LHFPL6: variants seen among roughly 807,000 people sequenced by gnomAD.
The protein encoded by LHFPL6 is LHFPL tetraspan subfamily member 6 protein.
In LHFPL6, 9 loss-of-function variants were observed where a neutral mutation model predicts 20.6. The observed-to-expected ratio is 0.44, with a 90% confidence interval of 0.26 to 0.76. LHFPL6 has a LOEUF of 0.76. LHFPL6 is among the 30% of genes least tolerant of loss of function. LHFPL6 has a pLI of 0.20. For missense variants in LHFPL6, 218 were observed against 253.5 expected, an observed-to-expected ratio of 0.86 and a Z score of 0.95; for synonymous variants, 105 against 98.7, an observed-to-expected ratio of 1.06 and a Z score of -0.38.
chr13:39,562,567 C>CATATAT (rs1566142155), intron 2 of LHFPL6, among the ~76,000 whole-genome samples: 189 of 95,878 alleles, frequency 2.0e-3, no homozygotes, highest in Non-Finnish European at 3.2e-3. Flanking sequence ...CATACATATA[C>CATATAT]ACATACATAT....
intron 2 of LHFPL6, among the ~76,000 whole-genome samples, chr13:39,496,076 AG>A (rs1869091954): frequency 6.6e-6 from 1 of 152,208 alleles, no homozygotes; most frequent in South Asian, 2.1e-4. Context: ...AGATTAGAGA[AG>A]AAGAAAGAAA....
intron 2 of LHFPL6, among the ~76,000 whole-genome samples, chr13:39,514,885 G>A (rs1230069117): frequency 2.0e-5 from 3 of 152,172 alleles, no homozygotes; most frequent in African/African-American, 7.2e-5. Flanking sequence ...TAAAGGCAGG[G>A]ACTCTATCCC....
chr13:39,505,811 A>C (rs1055053237), intron 2 of LHFPL6, among the ~76,000 whole-genome samples: 4 of 152,216 alleles, frequency 2.6e-5, no homozygotes, highest in Admixed American at 6.5e-5. Flanking sequence ...TTCCAGTGAT[A>C]GAGTGAAGGG....
At chr13:39,390,901 G>A (rs1240000595) in intron 2 of LHFPL6, among the ~76,000 whole-genome samples, 2 of 152,118 alleles carry the variant, frequency 1.3e-5, no homozygotes, top group African/African-American at 4.8e-5. Context: ...GAGGGCTGAG[G>A]CAGGGGAATT....
intron 2 of LHFPL6, among the ~76,000 whole-genome samples, chr13:39,520,966 T>C (rs1240003133): frequency 6.6e-6 from 1 of 152,204 alleles, no homozygotes; most frequent in Non-Finnish European, 1.5e-5. Context: ...TGATGGGTCA[T>C]GGACAGCCTC....
intron 2 of LHFPL6, among the ~76,000 whole-genome samples, chr13:39,414,429 TTTCAGGAA>T (rs1871301055): frequency 6.6e-6 from 1 of 152,214 alleles, no homozygotes; most frequent in South Asian, 2.1e-4. Flanking sequence ...TCTTGTCATT[TTTCAGGAA>T]ATTTATTTTA....
At chr13:39,485,481 A>G (rs1335794279) in intron 2 of LHFPL6, among the ~76,000 whole-genome samples, 3 of 152,226 alleles carry the variant, frequency 2.0e-5, no homozygotes, top group East Asian at 1.9e-4. Flanking sequence ...GGAAAGAAAT[A>G]GAAGGAAGAT....
chr13:39,548,407 T>C (rs1022281582), intron 2 of LHFPL6, among the ~76,000 whole-genome samples: 1 of 152,066 alleles, frequency 6.6e-6, no homozygotes, highest in Non-Finnish European at 1.5e-5. Context: ...TGGAAAAGAC[T>C]AGTGACCTTT....
chr13:39,399,624 G>A (rs183191282), intron 2 of LHFPL6, among the ~76,000 whole-genome samples: 14 of 152,266 alleles, frequency 9.2e-5, no homozygotes, highest in East Asian at 3.9e-4. Flanking sequence ...AAAGGATAGC[G>A]TCCTATAAAG....
intron 3 of LHFPL6, among the ~76,000 whole-genome samples, chr13:39,376,162 GCA>G (rs1483984083): frequency 6.6e-6 from 1 of 152,072 alleles, no homozygotes; most frequent in Non-Finnish European, 1.5e-5. Context: ...AATTAATATA[GCA>G]ATACACAATA....
intron 2 of LHFPL6, among the ~76,000 whole-genome samples, chr13:39,588,322 C>T (rs193162082): frequency 2.9e-4 from 44 of 152,328 alleles, no homozygotes; most frequent in African/African-American, 1.0e-3. Flanking sequence ...ATACAGTGGG[C>T]ACTCGATAAG....
chr13:39,465,235 ACT>A (rs1351365993), intron 2 of LHFPL6, among the ~76,000 whole-genome samples: 3 of 151,284 alleles, frequency 2.0e-5, no homozygotes, highest in African/African-American at 7.3e-5. Context: ...TTCTGTAATA[ACT>A]TTTCTTTTGA....
intron 2 of LHFPL6, among the ~76,000 whole-genome samples, chr13:39,511,552 G>A (rs983599152): frequency 4.0e-5 from 6 of 151,560 alleles, no homozygotes; most frequent in Non-Finnish European, 8.8e-5. Flanking sequence ...TTCAACTAAA[G>A]TCAGGGGTAA....
intron 2 of LHFPL6, among the ~76,000 whole-genome samples, chr13:39,593,125 A>C (rs537029757): frequency 1.3e-5 from 2 of 152,316 alleles, no homozygotes; most frequent in Non-Finnish European, 2.9e-5. Context: ...TGGCCAGGAC[A>C]ATCAGGCAGG....
At chr13:39,352,911 G>GTATATATATGTT (rs1566091634) in intron 3 of LHFPL6, among the ~76,000 whole-genome samples, 1 of 51,758 alleles carries the variant, frequency 1.9e-5, no homozygotes, top group Admixed American at 2.3e-4. Context: ...ATATATAAAT[G>GTATATATATGTT]TATATATATA....
At chr13:39,590,909 G>A (rs1301239867) in intron 2 of LHFPL6, among the ~76,000 whole-genome samples, 1 of 152,118 alleles carries the variant, frequency 6.6e-6, no homozygotes, top group Non-Finnish European at 1.5e-5. Context: ...ATGGCCTCAG[G>A]GGTATCTGGC....
chr13:39,450,240 A>G (rs1413249529), intron 2 of LHFPL6, among the ~76,000 whole-genome samples: 1 of 152,200 alleles, frequency 6.6e-6, no homozygotes, highest in East Asian at 1.9e-4. Flanking sequence ...TAGACAAAAT[A>G]GAAAATCTGT....
chr13:39,597,319 C>A (rs145581251), intron 2 of LHFPL6, among the ~76,000 whole-genome samples: 1 of 152,182 alleles, frequency 6.6e-6, no homozygotes, highest in Non-Finnish European at 1.5e-5. Context: ...TTAACAAATA[C>A]GCTTAATATG....
rs1566089507 is a variant in LHFPL6, at chr13:39,343,773, T to A, written c.*163A>T. 1.7e-6 allele frequency: 1 copy of A among 590,794 alleles called. No individual in the cohort carries two copies. The highest frequency in any genetic ancestry group is 3.0e-6 in the Non-Finnish European group (1 of 334,564). The allele number at this position is 590,794 out of a possible 1,614,324, so 36.6% of individuals were successfully genotyped here. ...TTTTTCCCCCACAAATCTCCTACAA[T>A]CCTTCCTTCCTATATCATGTTCCTG... On this transcript the variant is annotated 3_prime_UTR_variant, in exon 4 of 4. Coordinates refer to ENST00000379589, the MANE Select transcript of LHFPL6 (RefSeq NM_005780.3).
Sources: allele counts gnomAD v4.1 joint callset (sites outside exome capture counted in the v4.1 genomes callset), GRCh38; gene constraint gnomAD v4.1.1; transcripts MANE v1.5; gene names NCBI Gene and HGNC (gene_info 2026-07-23, HGNC 2026-07-21).